Variants in NDST4 observed in about 807,000 individuals in gnomAD.
NDST4 encodes N-heparan sulfate sulfotransferase 4.
A neutral mutation model predicts 100.8 loss-of-function variants in NDST4; 63 were observed. The ratio of observed to expected loss-of-function variants is 0.62; its 90% CI spans 0.51 to 0.77. The LOEUF is 0.77. Ranked by LOEUF, NDST4 falls within the 30% of genes least tolerant of loss-of-function variation. The probability of loss-of-function intolerance (pLI) is 0.00; values close to 1 mark genes in which losing one functional copy is unlikely to be tolerated. For synonymous variants in NDST4, 377 were observed against 361.8 expected (o/e 1.04, Z -0.48); for missense variants, 943 against 1,018.4 (o/e 0.93, Z 1.01).
At chr4:114,916,890 A>T (rs1022244904) in intron 6 of NDST4, among the ~76,000 whole-genome samples, 6 of 149,070 alleles carry the variant, frequency 4.0e-5, no homozygotes, top group African/African-American at 1.2e-4. Context: ...CGTACCCTTA[A>T]TTTTTTTTAT....
chr4:114,947,488 A>G (rs1440979583), intron 4 of NDST4, among the ~76,000 whole-genome samples: 1 of 152,120 alleles, frequency 6.6e-6, no homozygotes, highest in East Asian at 1.9e-4. Context: ...ATGTTTTTAT[A>G]TTTAATTTAG....
At chr4:115,077,620 CTA>C (rs1220908625) in intron 1 of NDST4, among the ~76,000 whole-genome samples, 2 of 152,134 alleles carry the variant, frequency 1.3e-5, no homozygotes, top group Non-Finnish European at 2.9e-5. Context: ...TACCATAAAA[CTA>C]TTCTACAGAA....
chr4:115,060,848 C>A (rs1728804250), intron 2 of NDST4, among the ~76,000 whole-genome samples: 1 of 151,796 alleles, frequency 6.6e-6, no homozygotes, highest in Non-Finnish European at 1.5e-5. Flanking sequence ...TTAAATTACA[C>A]AAATGACATT....
chr4:114,951,670 C>T (rs946367097), intron 4 of NDST4, among the ~76,000 whole-genome samples: 5 of 151,986 alleles, frequency 3.3e-5, no homozygotes, highest in African/African-American at 1.2e-4. Context: ...AATTATAGCA[C>T]AGGAATTTTA....
intron 2 of NDST4, among the ~76,000 whole-genome samples, chr4:115,003,793 G>GGGA (rs1328347723): frequency 2.0e-5 from 3 of 151,892 alleles, no homozygotes; most frequent in Non-Finnish European, 4.4e-5. Flanking sequence ...GCTTGAACCC[G>GGGA]GGAGGTGGAG....
chr4:114,922,449 C>T (rs531827133), intron 6 of NDST4, among the ~76,000 whole-genome samples: 4 of 152,272 alleles, frequency 2.6e-5, no homozygotes, highest in African/African-American at 7.2e-5. Context: ...GTAACACAAC[C>T]GCAGAAGCAT....
intron 6 of NDST4, among the ~76,000 whole-genome samples, chr4:114,914,889 G>T (rs1322410739): frequency 6.6e-6 from 1 of 152,068 alleles, no homozygotes; most frequent in Non-Finnish European, 1.5e-5. Flanking sequence ...TCGCCAGGCA[G>T]GGAATAGGTA....
chr4:115,083,152 A>T (rs573377668), intron 1 of NDST4, among the ~76,000 whole-genome samples: 55 of 152,280 alleles, frequency 3.6e-4, no homozygotes, highest in African/African-American at 1.2e-3. Flanking sequence ...AGAATTTTTA[A>T]TTAAAGCTGT....
At chr4:114,956,627 C>T (rs1353140124) in intron 4 of NDST4, among the ~76,000 whole-genome samples, 2 of 152,002 alleles carry the variant, frequency 1.3e-5, no homozygotes, top group African/African-American at 2.4e-5. Flanking sequence ...AAGCTCTATT[C>T]GAGAGGCAGA....
intron 1 of NDST4, among the ~76,000 whole-genome samples, chr4:115,081,481 A>AGGTG (rs1405469375): frequency 9.2e-5 from 14 of 152,162 alleles, no homozygotes; most frequent in Admixed American, 6.6e-4. Context: ...ACCCTTGAAA[A>AGGTG]GGTGGGGGAA....
Position 115,095,407 on chromosome 4 carries a change from C to A in NDST4, c.-247+18037G>T, listed in dbSNP as rs555406168. ...GTTTTCTTCATCTTCCTAGCTCTAA[C>A]TGAAATCTGGCTTTCCCCTTAGGAC... On this transcript the variant is annotated intron_variant, in intron 1 of 13. Transcript: ENST00000264363. Among the ~76,000 whole-genome samples the A allele has an allele frequency of 3.3e-5, 5 of 152,284 alleles. No individual in the cohort carries two copies. In the South Asian group the frequency reaches 1.0e-3, roughly 32 times the overall value.
At chr4:114,896,749 C>T (rs1182272792) in intron 6 of NDST4, among the ~76,000 whole-genome samples, 2 of 151,848 alleles carry the variant, frequency 1.3e-5, no homozygotes, top group Admixed American at 1.3e-4. Context: ...TGCAAGAAAA[C>T]ACAAGCCAGC....
Position 114,843,959 on chromosome 4 carries a change from CT to C in NDST4, c.2115+1863del, listed in dbSNP as rs575177648. On this transcript the variant is annotated intron_variant, in intron 10 of 13. Coordinates refer to ENST00000264363, the MANE Select transcript of NDST4 (RefSeq NM_022569.3). Reference sequence around the variant, plus strand: ...TCATTCATCATGATCATAATCCACACTTTTTTTAGTCCCCACCTCCCACCCC... The same window carrying C: ...TCATTCATCATGATCATAATCCACACTTTTTTAGTCCCCACCTCCCACCCC... Among the ~76,000 whole-genome samples the C allele has an allele frequency of 4.9e-3, 746 of 151,982 alleles. 9 individuals are homozygous for C. The highest frequency in any genetic ancestry group is 0.017 in the African/African-American group (711 of 41,324).
At chr4:115,025,005 G>A (rs867184947) in intron 2 of NDST4, among the ~76,000 whole-genome samples, 14 of 152,258 alleles carry the variant, frequency 9.2e-5, no homozygotes, top group East Asian at 1.9e-4. Context: ...GCCTTCTGCC[G>A]TGGGTGACAC....
intron 2 of NDST4, among the ~76,000 whole-genome samples, chr4:115,049,224 T>C (rs1331581113): frequency 6.6e-6 from 1 of 151,894 alleles, no homozygotes; most frequent in East Asian, 1.9e-4. Context: ...ATGGTAAAAT[T>C]TGGCTTGATG....
intron 7 of NDST4, among the ~76,000 whole-genome samples, chr4:114,858,892 A>G (rs1723859132): frequency 6.6e-6 from 1 of 152,214 alleles, no homozygotes; most frequent in Non-Finnish European, 1.5e-5. Context: ...TTTTTGTGCC[A>G]GTAGATTGGC....
chr4:114,980,530 T>C (rs1726743484), intron 2 of NDST4, among the ~76,000 whole-genome samples: 1 of 150,136 alleles, frequency 6.7e-6, no homozygotes, highest in African/African-American at 2.5e-5. Context: ...TAATCCCAGC[T>C]GCTCGGGAGG....
chr4:115,016,907 T>C (rs1727690157), intron 2 of NDST4, among the ~76,000 whole-genome samples: 1 of 151,996 alleles, frequency 6.6e-6, no homozygotes, highest in Non-Finnish European at 1.5e-5. Flanking sequence ...TAGTGATAAA[T>C]ACCAGCTATG....
intron 2 of NDST4, among the ~76,000 whole-genome samples, chr4:114,984,237 G>A (rs1277965694): frequency 6.6e-6 from 1 of 151,830 alleles, no homozygotes; most frequent in Non-Finnish European, 1.5e-5. Context: ...GGAGTACAGT[G>A]GCATGACCTC....
Sources: gnomAD v4.1 joint callset for allele counts (sites outside exome capture counted in the v4.1 genomes callset) on GRCh38, gnomAD v4.1.1 for gene constraint, MANE v1.5 for transcripts, NCBI Gene and HGNC (gene_info 2026-07-23, HGNC 2026-07-21) for gene names.